CAMK1D: variants seen among roughly 807,000 people sequenced by gnomAD.
CAMK1D encodes calcium/calmodulin dependent protein kinase ID.
A neutral mutation model predicts 47.7 loss-of-function variants in CAMK1D; 9 were observed. That is an observed-to-expected ratio of 0.19 (90% CI 0.11 to 0.33). The LOEUF (loss-of-function observed/expected upper bound fraction) is 0.33, where lower values mean the gene tolerates loss of function less well. Among genes scored for constraint, CAMK1D ranks in the 10% least tolerant of loss-of-function variants. The pLI, the probability that CAMK1D is intolerant of heterozygous loss-of-function variation, is 1.00. For synonymous variants in CAMK1D, 184 were observed against 184.9 expected (o/e 0.99, Z 0.04); for missense variants, 291 against 488.7 (o/e 0.60, Z 3.81).
chr10:12,694,495 A>T (rs1201757474), intron 3 of CAMK1D, among the ~76,000 whole-genome samples: 1 of 129,224 alleles, frequency 7.7e-6, no homozygotes, highest in Non-Finnish European at 1.6e-5. Context: ...GATATATAAC[A>T]TAAAATATAT....
chr10:12,549,905 T>G (rs562475028), intron 1 of CAMK1D, among the ~76,000 whole-genome samples: 1 of 152,304 alleles, frequency 6.6e-6, no homozygotes, highest in South Asian at 2.1e-4. Flanking sequence ...GGCTGAGTCC[T>G]GCGGCAACCT....
intron 1 of CAMK1D, among the ~76,000 whole-genome samples, chr10:12,529,211 C>G (rs964429544): frequency 4.6e-5 from 7 of 152,106 alleles, no homozygotes; most frequent in Non-Finnish European, 8.8e-5. Flanking sequence ...GGGGAACATC[C>G]GTGATGTTAA....
chr10:12,465,160 A>G (rs538193838), intron 1 of CAMK1D, among the ~76,000 whole-genome samples: 257 of 152,252 alleles, frequency 1.7e-3, no homozygotes, highest in Non-Finnish European at 3.1e-3. Flanking sequence ...GTGGGGCAGC[A>G]TTTCTTTACC....
chr10:12,824,681 A>C (rs1269918701), intron 9 of CAMK1D, 129 bp downstream of exon 9: 1 of 694,854 alleles, frequency 1.4e-6, no homozygotes, highest in African/African-American at 1.8e-5. Flanking sequence ...GCAAGTAATA[A>C]AGACTCAGAG....
intron 1 of CAMK1D, among the ~76,000 whole-genome samples, chr10:12,515,764 A>G (rs993735660): frequency 2.0e-5 from 3 of 151,632 alleles, no homozygotes; most frequent in East Asian, 1.9e-4. Context: ...CGCCTGCCAC[A>G]GCACCCGGCT....
chr10:12,769,908 G>T (rs1317634668), intron 5 of CAMK1D, 109 bp downstream of exon 5: 7 of 1,247,224 alleles, frequency 5.6e-6, no homozygotes, highest in African/African-American at 1.5e-5. Context: ...AGCTTGGCAT[G>T]TAATCACAGC....
chr10:12,587,493 G>C (rs1837853852), intron 2 of CAMK1D, among the ~76,000 whole-genome samples: 1 of 151,600 alleles, frequency 6.6e-6, no homozygotes, highest in African/African-American at 2.4e-5. Flanking sequence ...AAACCACCTG[G>C]GTCTATTCCA....
intron 8 of CAMK1D, 131 bp from the exon 9 acceptor site, chr10:12,824,334 G>A: frequency 5.7e-6 from 4 of 705,914 alleles, no homozygotes; most frequent in Non-Finnish European, 7.4e-6. Flanking sequence ...AGCCTGGAAG[G>A]GCAGCGGCCA....
chr10:12,558,949 T>C (rs1836851022), intron 2 of CAMK1D, among the ~76,000 whole-genome samples: 1 of 152,140 alleles, frequency 6.6e-6, no homozygotes, highest in Admixed American at 6.5e-5. Context: ...TGCCTCTTTC[T>C]CTCCAAATCA....
chr10:12,393,250 C>T (rs1838811482), intron 1 of CAMK1D, among the ~76,000 whole-genome samples: 1 of 152,126 alleles, frequency 6.6e-6, no homozygotes, highest in Admixed American at 6.6e-5. Flanking sequence ...TCAGGATGGT[C>T]TCGATCTCCT....
chr10:12,800,908 A>G (rs1284387206), intron 6 of CAMK1D, among the ~76,000 whole-genome samples: 1 of 152,182 alleles, frequency 6.6e-6, no homozygotes, highest in East Asian at 1.9e-4. Flanking sequence ...TTAGAAGGTT[A>G]TGTCAGGGTG....
rs143293965 is a variant in CAMK1D at position 12,482,441 on chromosome 10, A to G, written c.93-70784A>G. 3.3e-5 allele frequency among the ~76,000 whole-genome samples: 5 copies of G among 152,330 alleles called. No individual in the cohort carries two copies. The East Asian group carries it at 9.6e-4, about 29-fold the overall frequency. On this transcript the variant is annotated intron_variant, in intron 1 of 10. Coordinates refer to ENST00000619168, the MANE Select transcript of CAMK1D (RefSeq NM_153498.4). ...GAAGTAACTTTCTTCCTGCTAAAGA[A>G]ATCTCACCGGCCACTTTCACTCTTT...
chr10:12,581,479 G>A (rs575627999), intron 2 of CAMK1D, among the ~76,000 whole-genome samples: 51 of 152,180 alleles, frequency 3.4e-4, no homozygotes, highest in Admixed American at 2.2e-3. Flanking sequence ...TTTCCATAGC[G>A]GTTTTACTTG....
chr10:12,399,958 T>G (rs914430131), intron 1 of CAMK1D, among the ~76,000 whole-genome samples: 1 of 152,196 alleles, frequency 6.6e-6, no homozygotes, highest in Non-Finnish European at 1.5e-5. Flanking sequence ...AAGTTCTATA[T>G]TGGTGAGATG....
intron 1 of CAMK1D, among the ~76,000 whole-genome samples, chr10:12,412,784 G>A (rs945551325): frequency 3.3e-5 from 5 of 151,940 alleles, no homozygotes; most frequent in Non-Finnish European, 5.9e-5. Context: ...GGAGGCCGTG[G>A]TGAAGTGGGG....
intron 6 of CAMK1D, among the ~76,000 whole-genome samples, chr10:12,807,893 T>C (rs903150330): frequency 2.6e-5 from 4 of 152,160 alleles, no homozygotes; most frequent in Admixed American, 1.3e-4. Context: ...AAGCCAATTG[T>C]CCCTATCGCC....
chr10:12,553,687 C>G (rs990973350), intron 2 of CAMK1D, among the ~76,000 whole-genome samples: 1 of 152,144 alleles, frequency 6.6e-6, no homozygotes, highest in Admixed American at 6.5e-5. Flanking sequence ...ATGGAGTTAC[C>G]GGCGTCTCCC....
intron 5 of CAMK1D, among the ~76,000 whole-genome samples, chr10:12,774,998 A>C (rs1347575756): frequency 1.3e-5 from 2 of 152,172 alleles, no homozygotes; most frequent in Non-Finnish European, 2.9e-5. Flanking sequence ...GGGTGGAGGA[A>C]GGAGATGTGA....
chr10:12,615,582 TGTAG>T (rs946252408), intron 2 of CAMK1D, among the ~76,000 whole-genome samples: 1 of 13,466 alleles, frequency 7.4e-5, no homozygotes, highest in African/African-American at 8.5e-5. Flanking sequence ...TGTGCGTGTG[TGTAG>T]GTGTGTATTG....
Sources: allele counts gnomAD v4.1 joint callset (sites outside exome capture counted in the v4.1 genomes callset), GRCh38; gene constraint gnomAD v4.1.1; transcripts MANE v1.5; gene names NCBI Gene and HGNC (gene_info 2026-07-23, HGNC 2026-07-21).